POFUT2: variants seen among roughly 807,000 people sequenced by gnomAD.
POFUT2 encodes protein O-fucosyltransferase 2.
In POFUT2, 30 loss-of-function variants were observed where a neutral mutation model predicts 55.0. The observed-to-expected ratio is 0.55, with a 90% confidence interval of 0.41 to 0.74. The LOEUF (loss-of-function observed/expected upper bound fraction) is 0.74, where lower values mean the gene tolerates loss of function less well. Ranked by LOEUF, POFUT2 falls within the 30% of genes least tolerant of loss-of-function variation. The probability of loss-of-function intolerance (pLI) is 0.00; values close to 1 mark genes in which losing one functional copy is unlikely to be tolerated. For missense variants in POFUT2, 524 were observed against 562.6 expected (o/e 0.93, Z 0.69); for synonymous variants, 267 against 231.1 (o/e 1.16, Z -1.41).
rs1389839191 is a variant in POFUT2 at position 45,285,279 on chromosome 21, G to A, written c.382+399C>T. On this transcript the variant is annotated intron_variant, in intron 2 of 8. Coordinates refer to ENST00000349485, the MANE Select transcript of POFUT2 (RefSeq NM_133635.6). The surrounding 1 kb of genome is among the most constrained non-coding windows in gnomAD (Gnocchi z 4.9). ...TTAAACGAGACAGACCTTTATCCCT[G>A]GCGCTGCACTGAGACACCACGAAGC... 3 of 263,954 alleles carry A rather than the reference G, an allele frequency of 1.1e-5. No individual in the cohort carries two copies. The allele number at this position is 263,954 out of a possible 1,614,324, so 16.4% of individuals were successfully genotyped here.
rs747385980 is a variant in POFUT2 at position 45,267,624 on chromosome 21, C to A, written c.1102G>T (p.Ala368Ser). 1 of 1,614,236 alleles carries A rather than the reference C, an allele frequency of 6.2e-7. No individual in the cohort carries two copies. Among genetic ancestry groups the A allele is most frequent in the Non-Finnish European group, 8.5e-7 (1 of 1,180,050 alleles). ...ELELYKDGGV[A>S]IIDQWICAHA... The stretch of plus-strand genomic sequence containing the variant: ...GCGCAGATCCACTGGTCAATAATCG[C>A]AACGCCTCCGTCCTTGTAGAGCTCC... Residue 368 changes from alanine to serine, a missense_variant, in exon 8 of 9, where the codon GCG (alanine) becomes TCG (serine). Around this residue, in one of 2 missense-constraint regions of POFUT2, gnomAD observed 250 missense variants for 318.2 expected, o/e 0.79. Coordinates refer to ENST00000349485, the MANE Select transcript of POFUT2 (RefSeq NM_133635.6). This position sits in a 1 kb window ranked among gnomAD's most constrained non-coding sequence, Gnocchi z 4.4.
At position 45,277,232 on chromosome 21, in the gene POFUT2, C is replaced by G; in HGVS notation, c.706-90G>C. On this transcript the variant is annotated intron_variant, in intron 5 of 8. Transcript: ENST00000349485. This position sits in a 1 kb window ranked among gnomAD's most constrained non-coding sequence, Gnocchi z 6.9. ...GTTCTCCTGTCGCTGCCACCACCCA[C>G]CCCCGCAGCTGGAACAAGCCCCTCA... 1 of 1,512,032 alleles carries G rather than the reference C, an allele frequency of 6.6e-7. No homozygotes were observed. Among genetic ancestry groups the G allele is most frequent in the Non-Finnish European group, 8.9e-7 (1 of 1,120,698 alleles). The allele number at this position is 1,512,032 out of a possible 1,614,324, so 93.7% of individuals were successfully genotyped here.
chr21:45,277,377 T>TGCCGTGGGAAGCTGCGGCAC lies in POFUT2; in HGVS notation c.706-255_706-236dup. On this transcript the variant is annotated intron_variant, in intron 5 of 8. Transcript: ENST00000349485. The surrounding 1 kb of genome is among the most constrained non-coding windows in gnomAD (Gnocchi z 6.9). ...CACCCCTGCCGGCTCTGCCAGCCCC[T>TGCCGTGGGAAGCTGCGGCAC]GCCGTGGGAAGCTGCGGCACACACT... The TGCCGTGGGAAGCTGCGGCAC allele has an allele frequency of 3.8e-6, 2 of 532,436 alleles. No individual in the cohort carries two copies. Among genetic ancestry groups the TGCCGTGGGAAGCTGCGGCAC allele is most frequent in the Non-Finnish European group, 6.7e-6 (2 of 299,874 alleles). 33.0% of individuals were successfully genotyped at this position (532,436 alleles called of 1,614,324 possible).
rs1011031698 is a variant in POFUT2 at position 45,264,474 on chromosome 21, A to G, written c.*1008T>C. 1 of 152,282 alleles carries G rather than the reference A, an allele frequency of 6.6e-6. No individual in the cohort carries two copies. Among genetic ancestry groups the G allele is most frequent in the Non-Finnish European group, 1.5e-5 (1 of 68,074 alleles). The allele number at this position is 152,282 out of a possible 1,614,324, so 9.4% of individuals were successfully genotyped here. A position where few individuals can be genotyped will look rare whatever the true frequency, so the allele number is the denominator to read the frequency against. ...TGCAGATGCCCCTCGTGGTGGTGGC[A>G]CAAAGACCTAAAAATGATTTCTGTA... On this transcript the variant is annotated 3_prime_UTR_variant, in exon 9 of 9. Coordinates refer to ENST00000349485, the MANE Select transcript of POFUT2 (RefSeq NM_133635.6).
intron 8 of POFUT2, chr21:45,266,143 T>A: frequency 7.3e-7 from 1 of 1,365,088 alleles, no homozygotes; most frequent in Non-Finnish European, 9.8e-7. Flanking sequence ...TCTCCAGGGG[T>A]TTCTCCAGAC....
In POFUT2 at chr21:45,282,396, G is replaced by T; in HGVS notation, c.591C>A (p.Gly197=). The T allele has an allele frequency of 6.2e-7, 1 of 1,613,636 alleles. No homozygotes were observed. Among genetic ancestry groups the T allele is most frequent in the Non-Finnish European group, 8.5e-7 (1 of 1,179,860 alleles). ...GLNVSCLSVQ[G]SASIVAPLLL... is the part of the protein sequence containing the mutation. ...GCAGGGGCGCCACGATGGAGGCTGA[G>T]CCCTGGACGGACAGACAGGAGACGT... The change falls in exon 4 of 9, where the codon GGC becomes GGA. Residue 197 remains glycine, a synonymous_variant. Coordinates refer to ENST00000349485, the MANE Select transcript of POFUT2 (RefSeq NM_133635.6). The surrounding 1 kb of genome is among the most constrained non-coding windows in gnomAD (Gnocchi z 4.6).
In POFUT2 at chr21:45,287,837, C is replaced by G. The variant is rs1569240808; in HGVS notation, c.35G>C (p.Gly12Ala). ...AGAAGCCGGAGGCCAGGACACTGCCCCCAGCAGCAGGAAGACGAAGCTGAG... is the reference window on the plus strand; with the variant it reads ...AGAAGCCGGAGGCCAGGACACTGCCGCCAGCAGCAGGAAGACGAAGCTGAG... ...ATLSFVFLLL[G>A]AVSWPPASAS... The change falls in exon 1 of 9, where the codon GGG (glycine) becomes GCG (alanine). Residue 12 changes from glycine to alanine, a missense_variant. This residue lies in a region of POFUT2 where 274 missense variants were observed against 244.4 expected (regional missense o/e 1.12). Coordinates refer to ENST00000349485, the MANE Select transcript of POFUT2 (RefSeq NM_133635.6). 2 of 1,458,076 alleles carry G rather than the reference C, an allele frequency of 1.4e-6. No homozygotes were observed. The highest frequency in any genetic ancestry group is 1.8e-6 in the Non-Finnish European group (2 of 1,098,180). The allele number at this position is 1,458,076 out of a possible 1,614,324, so 90.3% of individuals were successfully genotyped here.
At chr21:45,280,332 T>C (rs1242106524) in intron 4 of POFUT2, among the ~76,000 whole-genome samples, 2 of 152,212 alleles carry the variant, frequency 1.3e-5, no homozygotes, top group South Asian at 2.1e-4. Context: ...TTTCTCTTTG[T>C]TGAACACGGC....
rs749777463 is a variant in POFUT2 at position 45,287,829 on chromosome 21, A to G, written c.43T>C (p.Ser15Pro). 17 of 1,483,166 alleles carry G rather than the reference A, an allele frequency of 1.1e-5. No homozygotes were observed. Among genetic ancestry groups the G allele is most frequent in the Non-Finnish European group, 1.5e-5 (17 of 1,111,516 alleles). The allele number at this position is 1,483,166 out of a possible 1,614,324, so 91.9% of individuals were successfully genotyped here. A position where few individuals can be genotyped will look rare whatever the true frequency, so the allele number is the denominator to read the frequency against. The change falls in exon 1 of 9, where the codon TCC becomes CCC. Residue 15 changes from serine (S) to proline (P), a missense_variant. Transcript: ENST00000349485. ...SFVFLLLGAV[S>P]WPPASASGQE... ...CCGGAGGCAGAAGCCGGAGGCCAGG[A>G]CACTGCCCCCAGCAGCAGGAAGACG...
rs561652794 is a variant in POFUT2 at position 45,264,232 on chromosome 21, G to A, written c.*1250C>T. On this transcript the variant is annotated 3_prime_UTR_variant, in exon 9 of 9. Coordinates refer to ENST00000349485, the MANE Select transcript of POFUT2 (RefSeq NM_133635.6). ...TGTCCCTCCTAACTGTCCTCTCTCT[G>A]TCACAGGTGTCCATGTCACTGTTCC... 6.6e-6 allele frequency: 1 copy of A among 152,174 alleles called. No individual in the cohort carries two copies. The highest frequency in any genetic ancestry group is 1.5e-5 in the Non-Finnish European group (1 of 68,064). The allele number at this position is 152,174 out of a possible 1,614,324, so 9.4% of individuals were successfully genotyped here. A position where few individuals can be genotyped will look rare whatever the true frequency, so the allele number is the denominator to read the frequency against.
intron 4 of POFUT2, among the ~76,000 whole-genome samples, chr21:45,278,795 A>G (rs572118632): frequency 2.3e-4 from 35 of 152,292 alleles, no homozygotes; most frequent in African/African-American, 8.4e-4. Context: ...TATTTCAGAG[A>G]GCCCTCCAGC....
rs757446578 is a variant in POFUT2 at position 45,267,456 on chromosome 21, C to G, written c.1136+134G>C. ...AACCAGATGCTACAGGAGACTCAGA[C>G]GAGGAGGCAAACAGTATGGAAATGA... On this transcript the variant is annotated intron_variant, in intron 8 of 8. Coordinates refer to ENST00000349485, the MANE Select transcript of POFUT2 (RefSeq NM_133635.6). The surrounding 1 kb of genome is among the most constrained non-coding windows in gnomAD (Gnocchi z 4.4). 6.2e-7 allele frequency: 1 copy of G among 1,613,930 alleles called. No homozygotes were observed. Among genetic ancestry groups the G allele is most frequent in the Non-Finnish European group, 8.5e-7 (1 of 1,179,866 alleles).
Position 45,267,296 on chromosome 21 carries a change from A to T in POFUT2, c.1136+294T>A. 6.9e-7 allele frequency: 1 copy of T among 1,457,278 alleles called. No homozygotes were observed. Among genetic ancestry groups the T allele is most frequent in the Non-Finnish European group, 9.0e-7 (1 of 1,111,244 alleles). 90.3% of individuals were successfully genotyped at this position (1,457,278 alleles called of 1,614,324 possible). On this transcript the variant is annotated intron_variant, in intron 8 of 8. Coordinates refer to ENST00000349485, the MANE Select transcript of POFUT2 (RefSeq NM_133635.6). The surrounding 1 kb of genome is among the most constrained non-coding windows in gnomAD (Gnocchi z 4.4). ...GGGGCAGACAGGGGCAGAAACCGGG[A>T]ATGATGGGAAAATGCGACACAAGAA...
rs182054010 is a variant in POFUT2, at chr21:45,287,879, G to A, written c.-8C>T. On this transcript the variant is annotated 5_prime_UTR_variant, in exon 1 of 9. Transcript: ENST00000349485. ...GAAGCTGAGTGTCGCCATGGCCCCG[G>A]GCGGCCACGCACTTCCGGCGGCCGC... is the stretch of plus-strand genomic sequence containing the variant. 2,746 of 1,335,642 alleles carry A rather than the reference G, an allele frequency of 2.1e-3. 57 individuals are homozygous for A. In the African/African-American group the frequency reaches 0.038, roughly 19 times the overall value. 82.7% of individuals were successfully genotyped at this position (1,335,642 alleles called of 1,614,324 possible).
Position 45,284,500 on chromosome 21 carries a change from A to G in POFUT2, c.383-973T>C, listed in dbSNP as rs2031162064. Among the ~76,000 whole-genome samples the G allele has an allele frequency of 6.6e-6, 1 of 152,198 alleles. No homozygotes were observed. The highest frequency in any genetic ancestry group is 6.5e-5 in the Admixed American group (1 of 15,284). ...TTCCCCACCTCACAGGCGAGGAAAC[A>G]GCTCAGCAAAGCCCCAGGCTGGTGG... is the stretch of plus-strand genomic sequence containing the variant. On this transcript the variant is annotated intron_variant, in intron 2 of 8. Transcript: ENST00000349485. This position sits in a 1 kb window ranked among gnomAD's most constrained non-coding sequence, Gnocchi z 5.8.
In POFUT2 at chr21:45,282,515, ACAAAT is replaced by A; in HGVS notation, c.528-61_528-57del. ...AGTTTATTTTGCTTTCACAAGGAAA[ACAAAT>A]CAAGTCTAGACACGCACACACTGTG... On this transcript the variant is annotated intron_variant, in intron 3 of 8. Coordinates refer to ENST00000349485, the MANE Select transcript of POFUT2 (RefSeq NM_133635.6). The surrounding 1 kb of genome is among the most constrained non-coding windows in gnomAD (Gnocchi z 4.6). The A allele has an allele frequency of 9.5e-7, 1 of 1,053,534 alleles. No individual in the cohort carries two copies. The highest frequency in any genetic ancestry group is 1.5e-6 in the Non-Finnish European group (1 of 679,072). The allele number at this position is 1,053,534 out of a possible 1,614,324, so 65.3% of individuals were successfully genotyped here.
rs180866169 is a variant in POFUT2, at chr21:45,264,750, C to G, written c.*732G>C. On this transcript the variant is annotated 3_prime_UTR_variant, in exon 9 of 9. Coordinates refer to ENST00000349485, the MANE Select transcript of POFUT2 (RefSeq NM_133635.6). ...GTGGGGGCGAGGGTGGGTGGCCAGC[C>G]GGGCCTGGTGTGAGGAGCAGAGCTG... The G allele has an allele frequency of 7.2e-5, 11 of 152,696 alleles. No individual in the cohort carries two copies. The highest frequency in any genetic ancestry group is 2.7e-4 in the African/African-American group (11 of 41,406). 9.5% of individuals were successfully genotyped at this position (152,696 alleles called of 1,614,324 possible).
chr21:45,282,144 G>A lies in POFUT2; in HGVS notation c.638+205C>T, dbSNP rs541909301. Among the ~76,000 whole-genome samples the A allele has an allele frequency of 2.0e-5, 3 of 152,040 alleles. No homozygotes were observed. Among genetic ancestry groups the A allele is most frequent in the East Asian group, 1.9e-4 (1 of 5,178 alleles). ...TCTGTGCCCCTCACCCGCTGTCCAC[G>A]TCACCCACTGCACCCACTGGGCTGT... is the stretch of plus-strand genomic sequence containing the variant. On this transcript the variant is annotated intron_variant, in intron 4 of 8. Transcript: ENST00000349485. This position sits in a 1 kb window ranked among gnomAD's most constrained non-coding sequence, Gnocchi z 4.6.
At position 45,283,501 on chromosome 21, in the gene POFUT2, C is replaced by A. The variant is rs776878665; in HGVS notation, c.409G>T (p.Val137Phe). The change falls in exon 3 of 9, where the codon GTT becomes TTT. Residue 137 changes from valine to phenylalanine, a missense_variant. Coordinates refer to ENST00000349485, the MANE Select transcript of POFUT2 (RefSeq NM_133635.6). The part of the protein sequence containing the change: ...AESGGPFIDQ[V>F]YVLQSYAEGW... ...TCTGCGTAACTTTGCAGGACGTAAACCTGGTCAATAAAGGGCCCACCAGAT... is the reference window on the plus strand; with the variant it reads ...TCTGCGTAACTTTGCAGGACGTAAAACTGGTCAATAAAGGGCCCACCAGAT... 1 of 1,613,930 alleles carries A rather than the reference C, an allele frequency of 6.2e-7. No individual in the cohort carries two copies. Among genetic ancestry groups the A allele is most frequent in the Non-Finnish European group, 8.5e-7 (1 of 1,179,924 alleles).
Sources: gnomAD v4.1 joint callset for allele counts (sites outside exome capture counted in the v4.1 genomes callset) on GRCh38, gnomAD v4.1.1 for gene constraint, gnomAD v4.1.1 regional missense constraint, Gnocchi (gnomAD v3.1) non-coding constraint, MANE v1.5 for transcripts, NCBI Gene and HGNC (gene_info 2026-07-23, HGNC 2026-07-21) for gene names.